Variants in BCR observed in about 807,000 individuals in gnomAD.
BCR encodes the protein BCR activator of RhoGEF and GTPase.
A neutral mutation model predicts 138.6 loss-of-function variants in BCR; 58 were observed. That is an observed-to-expected ratio of 0.42 (90% CI 0.34 to 0.52). The LOEUF (loss-of-function observed/expected upper bound fraction) is 0.52. Ranked by LOEUF, BCR falls within the 20% of genes least tolerant of loss-of-function variation. The pLI, the probability that BCR is intolerant of heterozygous loss-of-function variation, is 0.06. For synonymous variants in BCR, 786 were observed against 730.1 expected, an observed-to-expected ratio of 1.08 and a Z score of -1.23; for missense variants, 1,599 against 1,727.2, an observed-to-expected ratio of 0.93 and a Z score of 1.32.
chr22:23,292,692 T>C, intron 15 of BCR, 54 bp downstream of exon 15: 1 of 1,476,100 alleles, frequency 6.8e-7, no homozygotes, highest in Admixed American at 1.8e-5. Flanking sequence ...ACAGGATATT[T>C]TCCACTGGAG....
intron 8 of BCR, among the ~76,000 whole-genome samples, chr22:23,274,281 G>A (rs894702597): frequency 4.6e-5 from 7 of 152,196 alleles, no homozygotes; most frequent in Admixed American, 2.6e-4. Flanking sequence ...GTCTTCCTCC[G>A]GGAAGACTCT....
chr22:23,224,954 C>T (rs961258199), intron 1 of BCR, among the ~76,000 whole-genome samples: 2 of 151,980 alleles, frequency 1.3e-5, no homozygotes, highest in Admixed American at 1.3e-4. Context: ...AGCAAGTGTT[C>T]TTATAGATGT....
intron 11 of BCR, among the ~76,000 whole-genome samples, chr22:23,287,674 T>C (rs2073732312): frequency 6.6e-6 from 1 of 152,242 alleles, no homozygotes; most frequent in Non-Finnish European, 1.5e-5. Flanking sequence ...TGTCTGTCAA[T>C]GTCCAGAATG....
intron 1 of BCR, among the ~76,000 whole-genome samples, chr22:23,210,180 C>G (rs1028748543): frequency 1.3e-5 from 2 of 152,078 alleles, no homozygotes; most frequent in African/African-American, 2.4e-5. Flanking sequence ...TACCGGGAGG[C>G]TGAGGCAGGA....
At chr22:23,307,136 C>A (rs933476119) in intron 16 of BCR, among the ~76,000 whole-genome samples, 13 of 152,216 alleles carry the variant, frequency 8.5e-5, no homozygotes, top group African/African-American at 3.1e-4. Flanking sequence ...CGCTTTGTTG[C>A]GCAGGCTGGA....
chr22:23,280,100 A>G (rs1011976965), intron 8 of BCR, among the ~76,000 whole-genome samples: 1 of 152,140 alleles, frequency 6.6e-6, no homozygotes, highest in Non-Finnish European at 1.5e-5. Flanking sequence ...CAAAGGCCCC[A>G]CCTCCAGATA....
intron 5 of BCR, among the ~76,000 whole-genome samples, chr22:23,269,127 G>A (rs1016583205): frequency 2.6e-5 from 4 of 152,354 alleles, no homozygotes; most frequent in South Asian, 2.1e-4. Context: ...CCAGGGCCTC[G>A]AAAGAGTCAT....
At position 23,273,066 on chromosome 22, in the gene BCR, CCTCT is replaced by C. The variant is rs772113193; in HGVS notation, c.1922-9_1922-6del. Reference sequence around the variant, plus strand: ...TCCATGTGCAACCTCTCTCACCTCCCCTCTCTCTCCACAGCTCTGCTCTACAAGC... The same window carrying C: ...TCCATGTGCAACCTCTCTCACCTCCCCTCTCCACAGCTCTGCTCTACAAGC... On this transcript the variant is annotated splice_polypyrimidine_tract_variant and intron_variant, in intron 6 of 22. Coordinates refer to ENST00000305877, the MANE Select transcript of BCR (RefSeq NM_004327.4). 2 of 1,611,464 alleles carry C rather than the reference CCTCT, an allele frequency of 1.2e-6. No homozygotes were observed. Among genetic ancestry groups the C allele is most frequent in the South Asian group, 2.2e-5 (2 of 91,040 alleles).
chr22:23,272,873 G>A (rs891858321), intron 6 of BCR, among the ~76,000 whole-genome samples: 51 of 152,108 alleles, frequency 3.4e-4, no homozygotes, highest in African/African-American at 7.7e-4. Flanking sequence ...TCTGACAGCC[G>A]CTCTGGACTC....
At chr22:23,280,048 A>AT (rs1265926764) in intron 8 of BCR, among the ~76,000 whole-genome samples, 1 of 150,020 alleles carries the variant, frequency 6.7e-6, no homozygotes, top group Non-Finnish European at 1.5e-5. Context: ...ATCCCATCAC[A>AT]TGGATTCCAC....
At chr22:23,220,135 G>A (rs978804828) in intron 1 of BCR, among the ~76,000 whole-genome samples, 2 of 152,176 alleles carry the variant, frequency 1.3e-5, no homozygotes, top group Non-Finnish European at 2.9e-5. Context: ...CAGAGCATGC[G>A]GGGGTCCTGC....
chr22:23,183,640 G>A (rs535222798), intron 1 of BCR, among the ~76,000 whole-genome samples: 26 of 152,338 alleles, frequency 1.7e-4, no homozygotes, highest in Middle Eastern at 3.4e-3. Context: ...GTGGTTACTG[G>A]GCACCAGCCT....
intron 1 of BCR, among the ~76,000 whole-genome samples, chr22:23,229,152 C>G (rs1168041397): frequency 3.3e-5 from 5 of 152,066 alleles, no homozygotes; most frequent in Non-Finnish European, 5.9e-5. Flanking sequence ...CTGTTGAACC[C>G]CTCCAGGTAA....
At chr22:23,281,935 T>TGGAGA (rs2073650772) in intron 8 of BCR, among the ~76,000 whole-genome samples, 1 of 152,222 alleles carries the variant, frequency 6.6e-6, no homozygotes, top group African/African-American at 2.4e-5. Context: ...GAGAGGGAGC[T>TGGAGA]GCGTTTCTTG....
At chr22:23,223,768 A>G (rs1475999676) in intron 1 of BCR, among the ~76,000 whole-genome samples, 1 of 152,126 alleles carries the variant, frequency 6.6e-6, no homozygotes, top group Non-Finnish European at 1.5e-5. Flanking sequence ...CCTGATTGCC[A>G]TGTGGTTTTC....
At chr22:23,205,675 G>C (rs1177596579) in intron 1 of BCR, among the ~76,000 whole-genome samples, 3 of 149,414 alleles carry the variant, frequency 2.0e-5, no homozygotes, top group African/African-American at 7.4e-5. Context: ...TTACTCTACA[G>C]TATTGGGATT....
At position 23,206,350 on chromosome 22, in the gene BCR, G is replaced by A. The variant is rs536792300; in HGVS notation, c.1279+24111G>A. ...AGCACTTTGGGAGGCCAAGGTGGGC[G>A]GATCACGAGGTCAGGAGATCGGGAC... is the stretch of plus-strand genomic sequence containing the variant. On this transcript the variant is annotated intron_variant, in intron 1 of 22. Transcript: ENST00000305877. 1.1e-4 allele frequency among the ~76,000 whole-genome samples: 17 copies of A among 152,236 alleles called. No homozygotes were observed. The East Asian group carries it at 2.1e-3, about 19-fold the overall frequency.
At chr22:23,182,526 C>T (rs1601984008) in intron 1 of BCR, among the ~76,000 whole-genome samples, 1 of 152,318 alleles carries the variant, frequency 6.6e-6, no homozygotes, top group East Asian at 1.9e-4. Flanking sequence ...TGAAGTACAG[C>T]TTGTGAGTTG....
At chr22:23,305,606 C>T (rs1042231975) in intron 16 of BCR, among the ~76,000 whole-genome samples, 3 of 152,212 alleles carry the variant, frequency 2.0e-5, no homozygotes, top group African/African-American at 7.2e-5. Context: ...TCAGCCCCCA[C>T]CCCACCACTT....
Sources: gnomAD v4.1 joint callset for allele counts (sites outside exome capture counted in the v4.1 genomes callset) on GRCh38, gnomAD v4.1.1 for gene constraint, MANE v1.5 for transcripts, NCBI Gene and HGNC (gene_info 2026-07-23, HGNC 2026-07-21) for gene names.